Variants in ENO4 observed in about 807,000 individuals in gnomAD.
ENO4 encodes the protein 2-phospho-D-glycerate hydro-lyase.
A neutral mutation model predicts 63.2 loss-of-function variants in ENO4; 53 were observed. The ratio of observed to expected loss-of-function variants is 0.84; its 90% CI spans 0.67 to 1.05. The LOEUF (loss-of-function observed/expected upper bound fraction) is 1.05. Ranked by LOEUF, ENO4 falls within the 50% of genes least tolerant of loss-of-function variation. The pLI is 0.00. For missense variants in ENO4, 719 were observed against 772.0 expected (o/e 0.93, Z 0.81); for synonymous variants, 266 against 283.8 (o/e 0.94, Z 0.63).
At chr10:116,875,981 G>C in intron 10 of ENO4, 84 bp from the exon 11 acceptor site, 1 of 1,037,826 alleles carries the variant, frequency 9.6e-7, no homozygotes, top group South Asian at 2.2e-5. Flanking sequence ...AAATGTGTGA[G>C]CTTGAGTATG....
chr10:116,855,901 T>TC, intron 2 of ENO4, 150 bp downstream of exon 2: 2 of 904,066 alleles, frequency 2.2e-6, no homozygotes, highest in Non-Finnish European at 3.2e-6. Context: ...AATCATACCA[T>TC]CAACCATGAT....
In ENO4 at chr10:116,860,856, A is replaced by G. The variant is rs756391817; in HGVS notation, c.697A>G (p.Ser233Gly). Residue 233 changes from serine to glycine, a missense_variant, in exon 5 of 14, where the codon AGT (serine) becomes GGT (glycine). Ser to Gly is a moderately conservative substitution (Grantham distance 56). This residue lies in a region of ENO4 where 544 missense variants were observed against 583.6 expected (regional missense o/e 0.93). Transcript: ENST00000341276. ...TGCAGAGCCTGTTGAGCCTGTACTC[A>G]GTGGCAGTATGGCCATAGGGGCCGT... ...APAEPVEPVLSGSMAIGAVSL... is the reference protein window; with the variant it reads ...APAEPVEPVLGGSMAIGAVSL... 2.8e-5 allele frequency: 44 copies of G among 1,549,264 alleles called. No homozygotes were observed. Among genetic ancestry groups the G allele is most frequent in the Non-Finnish European group, 3.8e-5 (44 of 1,146,132 alleles).
chr10:116,894,643 GGGCTTCT>G (rs1847450530), intron 10 of ENO4, among the ~76,000 whole-genome samples: 3 of 152,146 alleles, frequency 2.0e-5, no homozygotes, highest in Non-Finnish European at 4.4e-5. Context: ...CCCTTTCGAA[GGGCTTCT>G]CCCTTTTGAA....
At chr10:116,853,101 C>T (rs1376321520) in intron 1 of ENO4, among the ~76,000 whole-genome samples, 3 of 152,078 alleles carry the variant, frequency 2.0e-5, no homozygotes, top group Admixed American at 6.6e-5. Context: ...CGAGACCATC[C>T]TGGCTAACAC....
At chr10:116,907,692 G>T (rs891617047) in intron 10 of ENO4, among the ~76,000 whole-genome samples, 3 of 152,152 alleles carry the variant, frequency 2.0e-5, no homozygotes, top group Non-Finnish European at 4.4e-5. Flanking sequence ...CTTCTCAACT[G>T]TGCCACATAC....
intron 10 of ENO4, among the ~76,000 whole-genome samples, chr10:116,896,820 TTTGAG>T (rs1376078887): frequency 9.3e-5 from 14 of 150,946 alleles, no homozygotes; most frequent in Admixed American, 7.3e-4. Context: ...TTTTTTTTTT[TTTGAG>T]TTAAGAGTCT....
chr10:116,851,470 G>A (rs775291796), intron 1 of ENO4, among the ~76,000 whole-genome samples: 8 of 152,210 alleles, frequency 5.3e-5, no homozygotes, highest in Admixed American at 1.3e-4. Context: ...CTCCAGCCTC[G>A]GCAACAGAGC....
intron 10 of ENO4, among the ~76,000 whole-genome samples, chr10:116,888,757 A>G (rs896115847): frequency 2.6e-5 from 4 of 152,192 alleles, no homozygotes; most frequent in Admixed American, 6.5e-5. Flanking sequence ...CACAAGCTAT[A>G]ACAGAGCCTG....
intron 10 of ENO4, among the ~76,000 whole-genome samples, chr10:116,907,150 C>A (rs988108931): frequency 6.6e-6 from 1 of 152,192 alleles, no homozygotes; most frequent in African/African-American, 2.4e-5. Context: ...AGCTACTAAA[C>A]TGAAGTCACA....
chr10:116,862,917 T>C (rs546276071), intron 7 of ENO4, 65 bp downstream of exon 7: 9 of 1,089,052 alleles, frequency 8.3e-6, no homozygotes, highest in Non-Finnish European at 1.2e-5. Flanking sequence ...ATGCAACTTG[T>C]AGTTCATTTG....
intron 3 of ENO4, among the ~76,000 whole-genome samples, chr10:116,858,657 T>C (rs922862531): frequency 1.3e-5 from 2 of 152,180 alleles, no homozygotes; most frequent in African/African-American, 2.4e-5. Context: ...TGATGGTCAT[T>C]TATACAAAAA....
chr10:116,857,377 C>T (rs761019881), intron 3 of ENO4, among the ~76,000 whole-genome samples: 1 of 152,150 alleles, frequency 6.6e-6, no homozygotes, highest in Non-Finnish European at 1.5e-5. Context: ...AGTCCTCCAG[C>T]CACAACTAAG....
chr10:116,909,021 CTA>C (rs1848085240), intron 10 of ENO4, among the ~76,000 whole-genome samples: 1 of 152,160 alleles, frequency 6.6e-6, no homozygotes. Flanking sequence ...AATACCAAGA[CTA>C]TTTTAGTTAT....
intron 6 of ENO4, 75 bp from the exon 7 acceptor site, chr10:116,862,724 G>C (rs1027854745): frequency 1.9e-6 from 2 of 1,028,922 alleles, no homozygotes; most frequent in Non-Finnish European, 3.0e-6. Flanking sequence ...GTTAGAAATA[G>C]CCACGTGTTA....
chr10:116,907,375 C>T (rs542893612), intron 10 of ENO4, among the ~76,000 whole-genome samples: 81 of 152,282 alleles, frequency 5.3e-4, no homozygotes, highest in Non-Finnish European at 9.8e-4. Flanking sequence ...CTCCACATTC[C>T]TAACACAGGA....
Position 116,871,148 on chromosome 10 carries a change from T to C in ENO4, c.1071T>C (p.Ser357=). Residue 357 remains serine (S), a synonymous_variant, in exon 9 of 14, where the codon TCT becomes TCC. Coordinates refer to ENST00000341276, the MANE Select transcript of ENO4 (RefSeq NM_001242699.2). ...RGQQQITGKM[S]HLGCLTINCD... Reference sequence around the variant, plus strand: ...AGCAGCAGATCACTGGCAAGATGTCTCATCTTGGCTGTTTAACCATTAACT... The same window carrying C: ...AGCAGCAGATCACTGGCAAGATGTCCCATCTTGGCTGTTTAACCATTAACT... The C allele has an allele frequency of 6.4e-7, 1 of 1,550,458 alleles. No individual in the cohort carries two copies. The highest frequency in any genetic ancestry group is 8.7e-7 in the Non-Finnish European group (1 of 1,146,924).
chr10:116,880,065 C>A, intron 13 of ENO4, 79 bp downstream of exon 13: 1 of 1,137,892 alleles, frequency 8.8e-7, no homozygotes, highest in Non-Finnish European at 1.3e-6. Context: ...AATAGAAGTC[C>A]CTCTGCAGGA....
intron 10 of ENO4, chr10:116,900,498 A>G (rs1847692010): frequency 6.7e-7 from 1 of 1,489,206 alleles, no homozygotes; most frequent in East Asian, 2.5e-5. Context: ...CAAAAGGCAG[A>G]CAAAAGGAGG....
chr10:116,899,621 T>C (rs1217867295), intron 10 of ENO4, among the ~76,000 whole-genome samples: 3 of 151,476 alleles, frequency 2.0e-5, no homozygotes, highest in Non-Finnish European at 2.9e-5. Flanking sequence ...CATCCTCCCT[T>C]GACCTTGATT....
Sources: allele counts gnomAD v4.1 joint callset (sites outside exome capture counted in the v4.1 genomes callset), GRCh38; gene constraint gnomAD v4.1.1; regional missense constraint gnomAD v4.1.1; transcripts MANE v1.5; gene names NCBI Gene and HGNC (gene_info 2026-07-23, HGNC 2026-07-21).